The following SWAP70 variants were observed in gnomAD, a reference collection of about 807,000 sequenced individuals.
SWAP70 encodes the protein switch-associated protein 70.
In SWAP70, 34 loss-of-function variants were observed where a neutral mutation model predicts 80.2. The observed-to-expected ratio is 0.42, with a 90% CI of 0.32 to 0.56. The LOEUF (loss-of-function observed/expected upper bound fraction) is 0.56. SWAP70 is among the 20% of genes least tolerant of loss of function. SWAP70 has a pLI of 0.09. For synonymous variants in SWAP70, 239 were observed against 238.5 expected, an observed-to-expected ratio of 1.00 and a Z score of -0.02; for missense variants, 578 against 690.7, an observed-to-expected ratio of 0.84 and a Z score of 1.83.
intron 1 of SWAP70, among the ~76,000 whole-genome samples, chr11:9,677,820 T>A (rs188130587): frequency 7.2e-5 from 5 of 69,390 alleles, no homozygotes; most frequent in African/African-American, 2.4e-4. Context: ...TGAAAAAAAT[T>A]TTGATGAACA....
intron 1 of SWAP70, among the ~76,000 whole-genome samples, chr11:9,671,506 A>ATAAAAGTATATT (rs1565109386): frequency 1.2e-3 from 109 of 89,994 alleles, no homozygotes; most frequent in African/African-American, 3.8e-3. Context: ...ATATAAATAT[A>ATAAAAGTATATT]TATAAATATA....
At chr11:9,745,991 T>G (rs59070186) in intron 9 of SWAP70, among the ~76,000 whole-genome samples, 15,128 of 151,916 alleles carry the variant, frequency 0.1, 1,915 homozygotes, top group East Asian at 0.28. Flanking sequence ...ATGGGAAGAG[T>G]CCAGTGAGGA....
At chr11:9,668,469 T>C (rs934112651) in intron 1 of SWAP70, among the ~76,000 whole-genome samples, 5 of 152,208 alleles carry the variant, frequency 3.3e-5, no homozygotes, top group East Asian at 1.9e-4. Flanking sequence ...GTTCGTAGAA[T>C]TGAAAATATT....
intron 2 of SWAP70, among the ~76,000 whole-genome samples, chr11:9,694,772 C>T (rs1850735056): frequency 6.6e-6 from 1 of 152,182 alleles, no homozygotes; most frequent in East Asian, 1.9e-4. Context: ...CATCTCACGC[C>T]AGTCAGAATG....
At chr11:9,738,973 T>C (rs1851400589) in intron 8 of SWAP70, among the ~76,000 whole-genome samples, 1 of 152,224 alleles carries the variant, frequency 6.6e-6, no homozygotes, top group African/African-American at 2.4e-5. Context: ...TAATTATTAA[T>C]AACATTCCTT....
chr11:9,696,652 T>A lies in SWAP70; in HGVS notation c.240+2366T>A, dbSNP rs925559253. On this transcript the variant is annotated intron_variant, in intron 2 of 11. Coordinates refer to ENST00000318950, the MANE Select transcript of SWAP70 (RefSeq NM_015055.4). ...ATGTGACCAGTAGGATATAAGCAACTTATTTTTTTAATTGAACAATATATT... is the reference window on the plus strand; with the variant it reads ...ATGTGACCAGTAGGATATAAGCAACATATTTTTTTAATTGAACAATATATT... Among the ~76,000 whole-genome samples the A allele has an allele frequency of 6.6e-5, 10 of 152,174 alleles. 1 individual carries two copies. The highest frequency in any genetic ancestry group is 4.6e-4 in the Admixed American group (7 of 15,270).
rs568940352 is a variant in SWAP70, at chr11:9,724,336, T to C, written c.415-322T>C. Among the ~76,000 whole-genome samples the C allele has an allele frequency of 4.6e-5, 7 of 152,370 alleles. No homozygotes were observed. The South Asian group carries it at 1.5e-3, about 32-fold the overall frequency. Reference sequence around the variant, plus strand: ...ACTAATGTTCTGATATATTGAAATATTTAACAGCGAGTAATCAGATCACAT... The same window carrying C: ...ACTAATGTTCTGATATATTGAAATACTTAACAGCGAGTAATCAGATCACAT... On this transcript the variant is annotated intron_variant, in intron 3 of 11. Coordinates refer to ENST00000318950, the MANE Select transcript of SWAP70 (RefSeq NM_015055.4).
At chr11:9,718,682 A>ATCG (rs1851096024) in intron 3 of SWAP70, among the ~76,000 whole-genome samples, 1 of 136,428 alleles carries the variant, frequency 7.3e-6, no homozygotes, top group African/African-American at 2.7e-5. Flanking sequence ...ACTTGTTATC[A>ATCG]GTAGTTTTTA....
chr11:9,719,136 G>A (rs1341175152), intron 3 of SWAP70, among the ~76,000 whole-genome samples: 1 of 150,768 alleles, frequency 6.6e-6, no homozygotes, highest in Non-Finnish European at 1.5e-5. Flanking sequence ...TGGGTGCAGT[G>A]GCACACACCT....
At chr11:9,737,474 T>C (rs1291005046) in intron 7 of SWAP70, among the ~76,000 whole-genome samples, 1 of 152,226 alleles carries the variant, frequency 6.6e-6, no homozygotes, top group African/African-American at 2.4e-5. Flanking sequence ...GTTATGGTTG[T>C]TTTGTTGGGG....
At chr11:9,737,358 C>T (rs1461283656) in intron 7 of SWAP70, among the ~76,000 whole-genome samples, 2 of 152,156 alleles carry the variant, frequency 1.3e-5, no homozygotes, top group Non-Finnish European at 2.9e-5. Context: ...ACGATTCTTA[C>T]TGAGAGTTAG....
chr11:9,742,942 A>C (rs1851461015), intron 9 of SWAP70, among the ~76,000 whole-genome samples: 1 of 148,816 alleles, frequency 6.7e-6, no homozygotes, highest in Non-Finnish European at 1.5e-5. Flanking sequence ...GTACATGTGC[A>C]CAATGTGCAG....
At chr11:9,743,808 C>T (rs1040466537) in intron 9 of SWAP70, among the ~76,000 whole-genome samples, 2 of 151,882 alleles carry the variant, frequency 1.3e-5, no homozygotes, top group African/African-American at 4.8e-5. Context: ...GCCGATCATT[C>T]GTGGAATATT....
intron 1 of SWAP70, among the ~76,000 whole-genome samples, chr11:9,670,331 T>C (rs895172815): frequency 2.0e-5 from 3 of 152,212 alleles, no homozygotes; most frequent in African/African-American, 7.2e-5. Flanking sequence ...TAGTAGTGGT[T>C]TTGATTTTTT....
At chr11:9,672,776 A>G (rs950047602) in intron 1 of SWAP70, among the ~76,000 whole-genome samples, 25 of 151,720 alleles carry the variant, frequency 1.6e-4, no homozygotes, top group African/African-American at 6.0e-4. Flanking sequence ...CCCCCAGTGT[A>G]GTACAGACAA....
intron 1 of SWAP70, among the ~76,000 whole-genome samples, chr11:9,677,657 T>A (rs1159061747): frequency 1.3e-5 from 2 of 152,234 alleles, no homozygotes; most frequent in Non-Finnish European, 2.9e-5. Flanking sequence ...CAGTTATGGT[T>A]GCAGGGTGAA....
chr11:9,744,582 T>G (rs1851486635), intron 9 of SWAP70, among the ~76,000 whole-genome samples: 1 of 152,192 alleles, frequency 6.6e-6, no homozygotes. Flanking sequence ...GAATGAGAAC[T>G]CAGAAGAAAA....
At chr11:9,674,084 A>G (rs1325443521) in intron 1 of SWAP70, among the ~76,000 whole-genome samples, 2 of 152,086 alleles carry the variant, frequency 1.3e-5, no homozygotes, top group Non-Finnish European at 2.9e-5. Context: ...ATTTTTTAGT[A>G]GAGACCGAGT....
intron 2 of SWAP70, among the ~76,000 whole-genome samples, chr11:9,697,804 A>G (rs1850777810): frequency 6.6e-6 from 1 of 152,114 alleles, no homozygotes; most frequent in South Asian, 2.1e-4. Context: ...TTTTTGAGAC[A>G]ATGTCTTGCT....
Sources: gnomAD v4.1 joint callset for allele counts (sites outside exome capture counted in the v4.1 genomes callset) on GRCh38, gnomAD v4.1.1 for gene constraint, MANE v1.5 for transcripts, NCBI Gene and HGNC (gene_info 2026-07-23, HGNC 2026-07-21) for gene names.